The following DNAH17 variants were observed in gnomAD, a reference collection of about 807,000 sequenced individuals.
The protein encoded by DNAH17 is axonemal beta dynein heavy chain 17.
Under a neutral mutation model 485.6 loss-of-function variants are expected in DNAH17, and 376 were observed. That is an observed-to-expected ratio of 0.77 (90% CI 0.71 to 0.84). DNAH17 has a LOEUF of 0.84. DNAH17 is among the 40% of genes least tolerant of loss of function. The pLI is 0.00. For synonymous variants in DNAH17, 3,031 were observed against 2,405.9 expected (o/e 1.26, Z -7.60); for missense variants, 6,370 against 5,839.3 (o/e 1.09, Z -2.96).
At chr17:78,495,789 T>G in intron 38 of DNAH17, 86 bp downstream of exon 38, 19 of 1,485,226 alleles carry the variant, frequency 1.3e-5, no homozygotes, top group Non-Finnish European at 1.7e-5. Flanking sequence ...CCTCTGCCCC[T>G]CCCCTCTGCC....
intron 40 of DNAH17, 33 bp from the exon 41 acceptor site, chr17:78,494,206 C>T (rs370552027): frequency 8.8e-6 from 14 of 1,588,798 alleles, no homozygotes; most frequent in Non-Finnish European, 1.1e-5. Context: ...GGGTGAGGAA[C>T]TGAAGCAGCT....
At chr17:78,501,096 C>G in intron 35 of DNAH17, 88 bp downstream of exon 35, 3 of 1,444,078 alleles carry the variant, frequency 2.1e-6, no homozygotes, top group Non-Finnish European at 2.8e-6. Flanking sequence ...CCAGCCTCCA[C>G]AGCTGACCTC....
intron 31 of DNAH17, among the ~76,000 whole-genome samples, chr17:78,505,001 G>C (rs1327344333): frequency 7.0e-6 from 1 of 143,354 alleles, no homozygotes; most frequent in Admixed American, 7.5e-5. Context: ...TGCCTCCCGG[G>C]TTCAAGCGAT....
At chr17:78,551,744 A>C (rs1011245261) in intron 15 of DNAH17, 106 bp from the exon 16 acceptor site, 14 of 1,071,856 alleles carry the variant, frequency 1.3e-5, no homozygotes, top group East Asian at 7.2e-5. Context: ...CAGGCGAATC[A>C]CGAGGTCGGG....
At chr17:78,493,291 C>T (rs566241059) in intron 41 of DNAH17, 207 of 157,396 alleles carry the variant, frequency 1.3e-3, no homozygotes, top group Non-Finnish European at 2.0e-3. Flanking sequence ...GTTCACTGTG[C>T]GTGTCTGCAG....
At chr17:78,520,455 T>C (rs752554349) in intron 25 of DNAH17, among the ~76,000 whole-genome samples, 18 of 152,146 alleles carry the variant, frequency 1.2e-4, no homozygotes, top group Non-Finnish European at 2.4e-4. Context: ...GACATTATTG[T>C]CTATGTACAA....
intron 74 of DNAH17, among the ~76,000 whole-genome samples, chr17:78,434,712 T>C (rs909974667): frequency 1.3e-5 from 2 of 152,112 alleles, no homozygotes; most frequent in Non-Finnish European, 2.9e-5. Context: ...TCTTTTTATC[T>C]GGCTCCAGGG....
intron 17 of DNAH17, among the ~76,000 whole-genome samples, chr17:78,543,588 C>A (rs2091664112): frequency 6.6e-6 from 1 of 152,106 alleles, no homozygotes; most frequent in South Asian, 2.1e-4. Context: ...CCGCGCCCGG[C>A]CAATTTTTGT....
Position 78,455,740 on chromosome 17 carries a change from G to A in DNAH17, c.10074C>T (p.Leu3358=), listed in dbSNP as rs1478812021. The change falls in exon 63 of 81, where the codon CTC becomes CTT. Residue 3358 remains leucine, a synonymous_variant. Transcript: ENST00000389840. The part of the protein sequence containing the change: ...QGVTLCGDVL[L]ISAFVSYVGY... ...CCACGTAGGACACGAAGGCAGAGAT[G>A]AGCAGGACGTCCCCACACAGCGTGA... 8 of 1,612,644 alleles carry A rather than the reference G, an allele frequency of 5.0e-6. No individual in the cohort carries two copies. The highest frequency in any genetic ancestry group is 4.0e-5 in the African/African-American group (3 of 74,888).
At position 78,498,989 on chromosome 17, in the gene DNAH17, C is replaced by T. The variant is rs755746930; in HGVS notation, c.5745+19G>A. On this transcript the variant is annotated intron_variant, in intron 37 of 80. Transcript: ENST00000389840. ...CAGTCACCCGACGTGACCCCGAGGCCGCAGGCAGGGGACTTTACCTGCACG... is the reference window on the plus strand; with the variant it reads ...CAGTCACCCGACGTGACCCCGAGGCTGCAGGCAGGGGACTTTACCTGCACG... 4.4e-5 allele frequency: 69 copies of T among 1,584,110 alleles called. 1 individual carries two copies. The South Asian group carries it at 5.6e-4, about 13-fold the overall frequency.
rs2091944708 is a variant in DNAH17, at chr17:78,553,283, G to GGTTTTTTTT, written c.2179-479_2179-478insAAAAAAAAC. Among the ~76,000 whole-genome samples, 77 of 51,032 alleles carry GGTTTTTTTT rather than the reference G, an allele frequency of 1.5e-3. 13 individuals are homozygous for GGTTTTTTTT. The highest frequency in any genetic ancestry group is 3.0e-3 in the African/African-American group (33 of 11,098). 33.5% of individuals were successfully genotyped at this position (51,032 alleles called of 152,430 possible). A position where few individuals can be genotyped will look rare whatever the true frequency, so the allele number is the denominator to read the frequency against. ...AAATTACCCAGTCCCAGGTTTTTGTGTTTTTTTTTTTTTTTTTTTTTTTTT... is the reference window on the plus strand; with the variant it reads ...AAATTACCCAGTCCCAGGTTTTTGTGGTTTTTTTTTTTTTTTTTTTTTTTTTTTTTTTTT... On this transcript the variant is annotated intron_variant, in intron 14 of 80. Coordinates refer to ENST00000389840, the MANE Select transcript of DNAH17 (RefSeq NM_173628.4).
At chr17:78,559,381 G>T (rs768594409) in intron 13 of DNAH17, among the ~76,000 whole-genome samples, 2 of 152,258 alleles carry the variant, frequency 1.3e-5, no homozygotes, top group East Asian at 1.9e-4. Flanking sequence ...TTGGCCAATG[G>T]CAATTCTACC....
intron 25 of DNAH17, among the ~76,000 whole-genome samples, chr17:78,516,949 C>T (rs936944146): frequency 1.3e-5 from 2 of 152,218 alleles, no homozygotes; most frequent in African/African-American, 4.8e-5. Context: ...ACATGGAATA[C>T]TGCCAAGAGA....
chr17:78,526,471 C>G (rs1051585072), intron 24 of DNAH17, among the ~76,000 whole-genome samples, 180 bp downstream of exon 24: 11 of 152,166 alleles, frequency 7.2e-5, no homozygotes. Flanking sequence ...TGTTCACGTA[C>G]ACACCCATGC....
At position 78,507,691 on chromosome 17, in the gene DNAH17, C is replaced by T. The variant is rs767269309; in HGVS notation, c.4351G>A (p.Asp1451Asn). The change falls in exon 28 of 81, where the codon GAC becomes AAC. Residue 1451 changes from aspartate (D) to asparagine (N), a missense_variant. By Grantham distance (23) the Asp-to-Asn change is conservative. Coordinates refer to ENST00000389840, the MANE Select transcript of DNAH17 (RefSeq NM_173628.4). ...SSEVLVETLEDNQVQLQNLMM... is the reference protein window; with the variant it reads ...SSEVLVETLENNQVQLQNLMM... ...AGGTTCTGCAGCTGCACCTGGTTGT[C>T]CTCCAGCGTCTCCACCAGCACCTCG... 3 of 1,611,368 alleles carry T rather than the reference C, an allele frequency of 1.9e-6. No individual in the cohort carries two copies. Among genetic ancestry groups the T allele is most frequent in the East Asian group, 4.5e-5 (2 of 44,878 alleles).
At chr17:78,511,390 G>A (rs982519907) in intron 26 of DNAH17, among the ~76,000 whole-genome samples, 2 of 152,232 alleles carry the variant, frequency 1.3e-5, no homozygotes, top group African/African-American at 4.8e-5. Flanking sequence ...TTACAGGCAT[G>A]AGCCACCGCA....
rs375394275 is a variant in DNAH17, at chr17:78,428,639, G to A, written c.12474C>T (p.Asn4158=). The A allele has an allele frequency of 9.7e-5, 156 of 1,613,900 alleles. No individual in the cohort carries two copies. The highest frequency in any genetic ancestry group is 1.2e-4 in the Non-Finnish European group (144 of 1,179,932). The change falls in exon 77 of 81, where the codon AAC becomes AAT. Residue 4158 remains asparagine (N), a synonymous_variant. Transcript: ENST00000389840. ...ESPYLYGLHP[N]AEIGFLTVTS... Reference sequence around the variant, plus strand: ...TGACCGTCAGAAAGCCAATCTCTGCGTTGGGGTGCAGGCCATACAGATAGG... The same window carrying A: ...TGACCGTCAGAAAGCCAATCTCTGCATTGGGGTGCAGGCCATACAGATAGG...
intron 40 of DNAH17, 88 bp downstream of exon 40, chr17:78,494,505 A>C (rs557813797): frequency 7.1e-7 from 1 of 1,398,834 alleles, no homozygotes; most frequent in African/African-American, 1.4e-5. Flanking sequence ...CGTGTGTGAC[A>C]CGGGTCTCCA....
chr17:78,439,815 G>A lies in DNAH17; in HGVS notation c.11678-598C>T, dbSNP rs560632607. On this transcript the variant is annotated intron_variant, in intron 72 of 80. Transcript: ENST00000389840. ...CTCCTGAGTAGCTGGGACTACAGGC[G>A]CCCGCCACCACACCTGGCTAATGTT... Among the ~76,000 whole-genome samples the A allele has an allele frequency of 4.3e-4, 65 of 150,974 alleles. No individual in the cohort carries two copies. The East Asian group carries it at 0.011, about 25-fold the overall frequency.
Sources: allele counts gnomAD v4.1 joint callset (sites outside exome capture counted in the v4.1 genomes callset), GRCh38; gene constraint gnomAD v4.1.1; transcripts MANE v1.5; gene names NCBI Gene and HGNC (gene_info 2026-07-23, HGNC 2026-07-21).